The following CTNNA3 variants were observed in gnomAD, a reference collection of about 807,000 sequenced individuals.
CTNNA3 encodes the protein catenin alpha-3.
In CTNNA3, 76 loss-of-function variants were observed where a neutral mutation model predicts 95.7. That is an observed-to-expected ratio of 0.79 (90% CI 0.66 to 0.96). The LOEUF (loss-of-function observed/expected upper bound fraction) is 0.96, where lower values mean the gene tolerates loss of function less well. CTNNA3 is among the 40% of genes least tolerant of loss of function. CTNNA3 has a pLI of 0.00. For synonymous variants in CTNNA3, 431 were observed against 374.4 expected (o/e 1.15, Z -1.74); for missense variants, 1,191 against 1,089.8 (o/e 1.09, Z -1.31).
intron 11 of CTNNA3, among the ~76,000 whole-genome samples, chr10:66,477,188 T>G (rs12269025): frequency 1.2e-4 from 18 of 152,260 alleles, no homozygotes; most frequent in African/African-American, 4.1e-4. Context: ...ACATCAATTT[T>G]TATTTCTACA....
At chr10:66,440,697 T>C (rs2131785110) in intron 11 of CTNNA3, among the ~76,000 whole-genome samples, 1 of 152,234 alleles carries the variant, frequency 6.6e-6, no homozygotes, top group East Asian at 1.9e-4. Flanking sequence ...TGGAGCCAGA[T>C]TATGTAGGTT....
chr10:65,982,079 A>T (rs568859352), intron 16 of CTNNA3, among the ~76,000 whole-genome samples: 1 of 151,528 alleles, frequency 6.6e-6, no homozygotes, highest in East Asian at 1.9e-4. Context: ...AATGGGAGAA[A>T]GATCATCACA....
intron 10 of CTNNA3, among the ~76,000 whole-genome samples, chr10:66,567,569 T>C (rs962620008): frequency 6.6e-6 from 1 of 152,038 alleles, no homozygotes; most frequent in Non-Finnish European, 1.5e-5. Context: ...CGGTGAATCA[T>C]TATTGCATCT....
Position 66,834,237 on chromosome 10 carries a change from T to A in CTNNA3, c.1048-58713A>T, listed in dbSNP as rs537205290. 1.2e-4 allele frequency among the ~76,000 whole-genome samples: 19 copies of A among 152,326 alleles called. No homozygotes were observed. The East Asian group carries it at 3.7e-3, about 29-fold the overall frequency. On this transcript the variant is annotated intron_variant, in intron 7 of 17. Coordinates refer to ENST00000433211, the MANE Select transcript of CTNNA3 (RefSeq NM_013266.4). ...GTTAGCTATTAAGTAGATAATCAGA[T>A]GCTGTTTTGAGTGTTGGCTTTCACA...
At chr10:66,941,959 T>C (rs1848017902) in intron 7 of CTNNA3, among the ~76,000 whole-genome samples, 1 of 152,128 alleles carries the variant, frequency 6.6e-6, no homozygotes, top group South Asian at 2.1e-4. Flanking sequence ...GATTTCATGG[T>C]GTAGGAGGGA....
chr10:66,529,450 GTT>G (rs58249940), intron 10 of CTNNA3, among the ~76,000 whole-genome samples: 3 of 141,558 alleles, frequency 2.1e-5, no homozygotes, highest in Admixed American at 7.1e-5. Flanking sequence ...TTTTTTTTTT[GTT>G]TTTTTTTTTT....
intron 17 of CTNNA3, among the ~76,000 whole-genome samples, chr10:65,927,366 G>T (rs1408170199): frequency 6.6e-6 from 1 of 152,086 alleles, no homozygotes; most frequent in Non-Finnish European, 1.5e-5. Context: ...ATATGCTTTA[G>T]GTACACTAGA....
chr10:66,869,503 G>T (rs1313070163), intron 7 of CTNNA3, among the ~76,000 whole-genome samples: 5 of 152,188 alleles, frequency 3.3e-5, no homozygotes, highest in African/African-American at 1.2e-4. Flanking sequence ...AACCCGGGAG[G>T]CGGAGGTTGC....
intron 7 of CTNNA3, among the ~76,000 whole-genome samples, chr10:67,150,848 G>A (rs1424078869): frequency 6.6e-6 from 1 of 152,046 alleles, no homozygotes; most frequent in Admixed American, 6.6e-5. Flanking sequence ...TTTGAGATTT[G>A]GTATGAGGGG....
In CTNNA3 at chr10:66,613,674, A is replaced by T. The variant is rs542277233; in HGVS notation, c.1374+8018T>A. ...ACCACTCAATTATTATAAGCTTTTT[A>T]AAAATAAAATCACCTCATTTAAGTC... On this transcript the variant is annotated intron_variant, in intron 10 of 17. Coordinates refer to ENST00000433211, the MANE Select transcript of CTNNA3 (RefSeq NM_013266.4). Among the ~76,000 whole-genome samples, 3 of 152,188 alleles carry T rather than the reference A, an allele frequency of 2.0e-5. No individual in the cohort carries two copies. The East Asian group carries it at 5.8e-4, about 29-fold the overall frequency.
chr10:66,528,492 C>G (rs1251474572), intron 10 of CTNNA3, among the ~76,000 whole-genome samples: 1 of 152,106 alleles, frequency 6.6e-6, no homozygotes, highest in Non-Finnish European at 1.5e-5. Context: ...TTACAGGCAT[C>G]TCATTTGTAC....
intron 11 of CTNNA3, among the ~76,000 whole-genome samples, chr10:66,386,670 G>A (rs1399556025): frequency 6.6e-6 from 1 of 152,098 alleles, no homozygotes; most frequent in African/African-American, 2.4e-5. Flanking sequence ...CAAAGCTGGA[G>A]GCATCATGCT....
chr10:66,324,615 C>T (rs1361679404), intron 12 of CTNNA3, among the ~76,000 whole-genome samples: 1 of 152,130 alleles, frequency 6.6e-6, no homozygotes, highest in Non-Finnish European at 1.5e-5. Context: ...CATCTGCATG[C>T]TCCCCTTCCT....
chr10:66,309,415 G>C (rs1211237241), intron 12 of CTNNA3, among the ~76,000 whole-genome samples: 1 of 152,008 alleles, frequency 6.6e-6, no homozygotes, highest in East Asian at 1.9e-4. Context: ...ATTCCGGGCC[G>C]GGTGCAGTGG....
At chr10:67,652,301 TACAA>T (rs1839898998) in intron 1 of CTNNA3, among the ~76,000 whole-genome samples, 1 of 152,224 alleles carries the variant, frequency 6.6e-6, no homozygotes, top group Non-Finnish European at 1.5e-5. Flanking sequence ...GTGGGGAAGA[TACAA>T]ACATTCACTC....
intron 12 of CTNNA3, among the ~76,000 whole-genome samples, chr10:66,285,823 A>G (rs888179573): frequency 6.6e-6 from 1 of 152,074 alleles, no homozygotes; most frequent in Admixed American, 6.6e-5. Context: ...GGCATTAAGC[A>G]TATGAATAAG....
Position 67,193,466 on chromosome 10 carries a change from C to T in CTNNA3, c.844-12946G>A, listed in dbSNP as rs1863211481. Among the ~76,000 whole-genome samples, 4 of 151,966 alleles carry T rather than the reference C, an allele frequency of 2.6e-5. No individual in the cohort carries two copies. The South Asian group carries it at 8.3e-4, about 31-fold the overall frequency. On this transcript the variant is annotated intron_variant, in intron 6 of 17. Coordinates refer to ENST00000433211, the MANE Select transcript of CTNNA3 (RefSeq NM_013266.4). ...GTCACCAGGTATTAAGCCTAATACT[C>T]ATTCATTATTTTCCTGAACCTCTCC...
intron 1 of CTNNA3, among the ~76,000 whole-genome samples, chr10:67,691,996 T>C (rs1352545017): frequency 7.1e-6 from 1 of 141,142 alleles, no homozygotes; most frequent in African/African-American, 2.7e-5. Flanking sequence ...GAGGGGCGCC[T>C]CTGCCCGGCC....
At chr10:67,131,224 G>T (rs1437985679) in intron 7 of CTNNA3, among the ~76,000 whole-genome samples, 1 of 151,954 alleles carries the variant, frequency 6.6e-6, no homozygotes, top group African/African-American at 2.4e-5. Context: ...GGTTGGGTTA[G>T]GTACCTTTCT....
Sources: allele counts gnomAD v4.1 joint callset (sites outside exome capture counted in the v4.1 genomes callset), GRCh38; gene constraint gnomAD v4.1.1; transcripts MANE v1.5; gene names NCBI Gene and HGNC (gene_info 2026-07-23, HGNC 2026-07-21).